Variants in TSC22D1 observed in about 807,000 individuals in gnomAD.
The protein encoded by TSC22D1 is TSC22 domain family protein 1.
TSC22D1 carries 9 observed loss-of-function variants against 74.2 expected under a neutral mutation model. The ratio of observed to expected loss-of-function variants is 0.12; its 90% CI spans 0.07 to 0.21. The LOEUF (loss-of-function observed/expected upper bound fraction) is 0.21. TSC22D1 is among the 10% of genes least tolerant of loss of function. The pLI is 1.00. For synonymous variants in TSC22D1, 586 were observed against 492.5 expected (o/e 1.19, Z -2.51); for missense variants, 1,427 against 1,304.7 (o/e 1.09, Z -1.44).
chr13:44,557,382 AC>A (rs1882724242), intron 1 of TSC22D1, among the ~76,000 whole-genome samples: 1 of 152,254 alleles, frequency 6.6e-6, no homozygotes, highest in Non-Finnish European at 1.5e-5. Flanking sequence ...AATTGCTTGA[AC>A]CTGCGAGGTG....
At chr13:44,452,936 T>G (rs1452140804) in intron 1 of TSC22D1, 2 of 152,362 alleles carry the variant, frequency 1.3e-5, no homozygotes, top group African/African-American at 4.8e-5. Context: ...CTCCCCTGTT[T>G]CGATGAAACT....
rs1555275897 is a variant in TSC22D1, at chr13:44,574,318, C to G, written c.1757G>C (p.Gly586Ala). 6.2e-7 allele frequency: 1 copy of G among 1,614,252 alleles called. No homozygotes were observed. Among genetic ancestry groups the G allele is most frequent in the Non-Finnish European group, 8.5e-7 (1 of 1,180,048 alleles). The change falls in exon 1 of 3, where the codon GGT becomes GCT. Residue 586 changes from glycine (G) to alanine (A), a missense_variant. By Grantham distance (60) the Gly-to-Ala change is moderately conservative. Around this residue, in one of 3 missense-constraint regions of TSC22D1, gnomAD observed 1,343 missense variants for 1,191.5 expected, o/e 1.13. Transcript: ENST00000458659. The part of the protein sequence containing the change: ...GIQPSPVNVV[G>A]VTSALGQQPS... ...CTGCTGACCTAAAGCTGAAGTTACACCAACCACATTTACAGGCGATGGCTG... is the reference window on the plus strand; with the variant it reads ...CTGCTGACCTAAAGCTGAAGTTACAGCAACCACATTTACAGGCGATGGCTG...
chr13:44,551,310 G>GT (rs1555272440), intron 1 of TSC22D1, among the ~76,000 whole-genome samples: 1,475 of 132,844 alleles, frequency 0.011, 12 homozygotes, highest in Admixed American at 0.013. Flanking sequence ...ATCAGCTGGG[G>GT]GTGTGTGTGT....
chr13:44,439,090 T>C (rs1595077401), intron 1 of TSC22D1, among the ~76,000 whole-genome samples: 1 of 152,336 alleles, frequency 6.6e-6, no homozygotes, highest in South Asian at 2.1e-4. Flanking sequence ...TTTCAATCAT[T>C]TTAACTGATC....
chr13:44,518,629 C>A (rs777731342), intron 1 of TSC22D1, among the ~76,000 whole-genome samples: 115 of 152,160 alleles, frequency 7.6e-4, no homozygotes, highest in Admixed American at 1.7e-3. Context: ...CCAGTAACTT[C>A]CAACACAGGT....
intron 1 of TSC22D1, among the ~76,000 whole-genome samples, chr13:44,437,506 A>G (rs1874817808): frequency 6.6e-6 from 1 of 152,030 alleles, no homozygotes; most frequent in Non-Finnish European, 1.5e-5. Flanking sequence ...ATTCTTTGCT[A>G]GGCATGAGGG....
intron 2 of TSC22D1, chr13:44,435,396 C>A (rs7326974): frequency 0.079 from 12,365 of 156,306 alleles, 586 homozygotes; most frequent in Middle Eastern, 0.17. Flanking sequence ...AATGGGAGCC[C>A]GAGTTATTTA....
intron 1 of TSC22D1, among the ~76,000 whole-genome samples, chr13:44,548,029 A>T (rs1021466082): frequency 2.6e-5 from 4 of 152,196 alleles, no homozygotes; most frequent in African/African-American, 9.7e-5. Flanking sequence ...CATATATGGA[A>T]TATTATTATC....
chr13:44,566,479 T>C (rs1255356095), intron 1 of TSC22D1, among the ~76,000 whole-genome samples: 1 of 152,264 alleles, frequency 6.6e-6, no homozygotes, highest in East Asian at 1.9e-4. Context: ...ATACTATTCT[T>C]ATTTCTAACA....
chr13:44,448,892 CGT>C (rs4053650), intron 1 of TSC22D1, among the ~76,000 whole-genome samples: 20,650 of 150,106 alleles, frequency 0.14, 1,700 homozygotes, highest in African/African-American at 0.23. Flanking sequence ...ATTCTAGATC[CGT>C]GTGTGTGTGT....
chr13:44,469,841 C>T (rs1276410576), intron 1 of TSC22D1, among the ~76,000 whole-genome samples: 3 of 152,244 alleles, frequency 2.0e-5, no homozygotes, highest in Non-Finnish European at 2.9e-5. Context: ...AGTCAATTGA[C>T]GATGCCCTAA....
Position 44,575,400 on chromosome 13 carries a change from C to T in TSC22D1, c.675G>A (p.Gln225=), listed in dbSNP as rs777046750. 1.2e-6 allele frequency: 2 copies of T among 1,613,714 alleles called. No individual in the cohort carries two copies. Among genetic ancestry groups the T allele is most frequent in the Non-Finnish European group, 1.7e-6 (2 of 1,179,866 alleles). ...AHPHHLHHHH[Q]IHHGHHLQHG... is the part of the protein sequence containing the mutation. The stretch of plus-strand genomic sequence containing the variant: ...GTTGGAGGTGGTGCCCATGATGAAT[C>T]TGATGGTGGTGATGGAGGTGGTGTG... Residue 225 remains glutamine, a synonymous_variant, in exon 1 of 3, where the codon CAG becomes CAA. Transcript: ENST00000458659.
intron 1 of TSC22D1, chr13:44,437,465 T>C (rs909603380): frequency 1.2e-5 from 2 of 161,704 alleles, no homozygotes; most frequent in African/African-American, 4.8e-5. Flanking sequence ...CTACCTTTTG[T>C]TTTATAGAAA....
intron 1 of TSC22D1, among the ~76,000 whole-genome samples, chr13:44,508,376 T>C (rs1339931295): frequency 6.6e-6 from 1 of 152,194 alleles, no homozygotes; most frequent in East Asian, 1.9e-4. Context: ...CCGATGTTCA[T>C]ACGTTCTATA....
At chr13:44,525,243 C>T (rs1880493607) in intron 1 of TSC22D1, among the ~76,000 whole-genome samples, 1 of 152,190 alleles carries the variant, frequency 6.6e-6, no homozygotes, top group Admixed American at 6.5e-5. Flanking sequence ...CATCTTACTA[C>T]AATCAACAGA....
intron 1 of TSC22D1, chr13:44,474,163 G>T: frequency 3.4e-6 from 3 of 891,466 alleles, no homozygotes; most frequent in Non-Finnish European, 4.0e-6. Flanking sequence ...CAGGACTTAG[G>T]ACAACTGAGA....
intron 1 of TSC22D1, among the ~76,000 whole-genome samples, chr13:44,491,810 A>G (rs1000845113): frequency 6.6e-6 from 1 of 152,234 alleles, no homozygotes; most frequent in African/African-American, 2.4e-5. Flanking sequence ...AACAATAATC[A>G]GTGGGGTTTT....
In TSC22D1 at chr13:44,439,098, A is replaced by G. The variant is rs570855549; in HGVS notation, c.2913-3003T>C. 6.3e-4 allele frequency among the ~76,000 whole-genome samples: 96 copies of G among 152,342 alleles called. 1 individual carries two copies. The highest frequency in any genetic ancestry group is 8.5e-4 in the Non-Finnish European group (58 of 68,026). ...GTTTTTATTTCAATCATTTTAACTG[A>G]TCATCCATTGTATCAAGCAAGAGAA... On this transcript the variant is annotated intron_variant, in intron 1 of 2. Coordinates refer to ENST00000458659, the MANE Select transcript of TSC22D1 (RefSeq NM_183422.4).
At chr13:44,531,472 T>C (rs1408720913) in intron 1 of TSC22D1, among the ~76,000 whole-genome samples, 5 of 152,200 alleles carry the variant, frequency 3.3e-5, no homozygotes, top group African/African-American at 4.8e-5. Flanking sequence ...AACATTTTTA[T>C]GTGTAAAATG....
Sources: allele counts gnomAD v4.1 joint callset (sites outside exome capture counted in the v4.1 genomes callset), GRCh38; gene constraint gnomAD v4.1.1; regional missense constraint gnomAD v4.1.1; transcripts MANE v1.5; gene names NCBI Gene and HGNC (gene_info 2026-07-23, HGNC 2026-07-21).